Variants in TOX observed in about 807,000 individuals in gnomAD.
The protein encoded by TOX is thymocyte selection-associated high mobility group box protein TOX.
In TOX, 11 loss-of-function variants were observed where a neutral mutation model predicts 53.7. That is an observed-to-expected ratio of 0.20 (90% CI 0.13 to 0.34). The LOEUF is 0.34. Ranked by LOEUF, TOX falls within the 10% of genes least tolerant of loss-of-function variation. The pLI is 1.00. For missense variants in TOX, 570 were observed against 664.6 expected (o/e 0.86, Z 1.56); for synonymous variants, 225 against 245.3 (o/e 0.92, Z 0.77).
At chr8:58,820,164 T>C (rs558596108) in intron 6 of TOX, among the ~76,000 whole-genome samples, 1 of 152,232 alleles carries the variant, frequency 6.6e-6, no homozygotes, top group East Asian at 1.9e-4. Context: ...AAAGAAACTG[T>C]TTTTTTCAAA....
chr8:58,992,840 A>G (rs1187319967), intron 1 of TOX: 1 of 152,202 alleles, frequency 6.6e-6, no homozygotes, highest in Non-Finnish European at 1.5e-5. Flanking sequence ...AGGGGAAGAA[A>G]TGATTTTTCT....
At position 58,962,174 on chromosome 8, in the gene TOX, A is replaced by C. The variant is rs142052572; in HGVS notation, c.103-2166T>G. On this transcript the variant is annotated intron_variant, in intron 1 of 8. Transcript: ENST00000361421. ...TGAAGTTTTGGGTTGAGTCTATCCA[A>C]CATGTACGCTAATTGAGTACATTCA... 3.6e-4 allele frequency among the ~76,000 whole-genome samples: 55 copies of C among 152,352 alleles called. No homozygotes were observed. In the East Asian group the frequency reaches 9.4e-3, roughly 26 times the overall value.
chr8:58,933,943 G>A (rs1485205255), intron 3 of TOX, among the ~76,000 whole-genome samples: 2 of 152,112 alleles, frequency 1.3e-5, no homozygotes, highest in Non-Finnish European at 2.9e-5. Flanking sequence ...TCAGTGACTT[G>A]CCCATGACTG....
intron 1 of TOX, among the ~76,000 whole-genome samples, chr8:59,109,806 G>A (rs1804979672): frequency 6.6e-6 from 1 of 152,074 alleles, no homozygotes; most frequent in Non-Finnish European, 1.5e-5. Context: ...GGTCTATTTT[G>A]TGGGACGTAC....
At chr8:58,826,685 G>A (rs942087623) in intron 6 of TOX, 137 bp downstream of exon 6, 23 of 677,712 alleles carry the variant, frequency 3.4e-5, no homozygotes, top group Admixed American at 1.5e-4. Flanking sequence ...GTATAGCTTT[G>A]TTTGTAATTT....
intron 1 of TOX, among the ~76,000 whole-genome samples, chr8:59,005,761 G>A (rs1813780466): frequency 6.6e-6 from 1 of 152,158 alleles, no homozygotes; most frequent in Non-Finnish European, 1.5e-5. Flanking sequence ...GAAACACAGT[G>A]TCTTTTATTT....
At chr8:59,054,968 GGAAGGGAC>G (rs1274861643) in intron 1 of TOX, among the ~76,000 whole-genome samples, 1 of 144,080 alleles carries the variant, frequency 6.9e-6, no homozygotes, top group South Asian at 2.3e-4. Context: ...GAGGGAGGAA[GGAAGGGAC>G]GGAGGGAGGG....
intron 3 of TOX, among the ~76,000 whole-genome samples, chr8:58,860,509 G>A (rs143917828): frequency 1.2e-4 from 19 of 152,268 alleles, no homozygotes; most frequent in African/African-American, 4.1e-4. Flanking sequence ...TAAGGACTAC[G>A]AATGCATTTT....
intron 5 of TOX, among the ~76,000 whole-genome samples, chr8:58,835,969 C>T (rs1287074663): frequency 6.6e-6 from 1 of 152,168 alleles, no homozygotes; most frequent in Non-Finnish European, 1.5e-5. Context: ...AATCATGTGT[C>T]TTCAGATGAA....
At chr8:59,079,458 C>T (rs1482199950) in intron 1 of TOX, among the ~76,000 whole-genome samples, 2 of 152,168 alleles carry the variant, frequency 1.3e-5, no homozygotes, top group African/African-American at 4.8e-5. Flanking sequence ...CTGCTCTTCA[C>T]ATGCAGGCCA....
At chr8:58,968,383 T>A (rs1014440655) in intron 1 of TOX, among the ~76,000 whole-genome samples, 3 of 152,204 alleles carry the variant, frequency 2.0e-5, no homozygotes, top group Admixed American at 1.3e-4. Context: ...AATTCTGTAA[T>A]GATTAAAGCT....
At chr8:58,823,867 T>C (rs1810321913) in intron 6 of TOX, among the ~76,000 whole-genome samples, 1 of 152,206 alleles carries the variant, frequency 6.6e-6, no homozygotes, top group African/African-American at 2.4e-5. Flanking sequence ...AAAGGATCTA[T>C]TGGCCTAGAA....
intron 3 of TOX, among the ~76,000 whole-genome samples, chr8:58,891,061 G>A (rs1247794524): frequency 1.3e-5 from 2 of 152,066 alleles, no homozygotes; most frequent in East Asian, 3.9e-4. Flanking sequence ...TGAGCAAATT[G>A]ATGGTATCTA....
chr8:58,808,308 G>T, intron 7 of TOX, 39 bp from the exon 8 acceptor site: 1 of 1,575,548 alleles, frequency 6.3e-7, no homozygotes, highest in East Asian at 2.3e-5. Flanking sequence ...GGATCAAAAT[G>T]CATTTTAAGA....
intron 3 of TOX, among the ~76,000 whole-genome samples, chr8:58,898,318 C>T (rs6988646): frequency 0.17 from 10,336 of 60,822 alleles, 465 homozygotes; most frequent in South Asian, 0.27. Flanking sequence ...AATGTTTGAT[C>T]TATTCATATG....
At chr8:58,842,684 C>T (rs1810665244) in intron 4 of TOX, among the ~76,000 whole-genome samples, 1 of 152,142 alleles carries the variant, frequency 6.6e-6, no homozygotes, top group Non-Finnish European at 1.5e-5. Flanking sequence ...CATCCTCTTG[C>T]ATTTGACAAC....
Position 59,117,675 on chromosome 8 carries a change from G to T in TOX, c.102+1211C>A, listed in dbSNP as rs769747788. On this transcript the variant is annotated intron_variant, in intron 1 of 8. Transcript: ENST00000361421. This position sits in a 1 kb window ranked among gnomAD's most constrained non-coding sequence, Gnocchi z 4.6. ...TAAAAAAGCCGTTTGGTGATGACTCGCCACCAGGCAAATGTTGGGAGTCCC... is the reference window on the plus strand; with the variant it reads ...TAAAAAAGCCGTTTGGTGATGACTCTCCACCAGGCAAATGTTGGGAGTCCC... Among the ~76,000 whole-genome samples the T allele has an allele frequency of 6.6e-6, 1 of 152,206 alleles. No individual in the cohort carries two copies. The highest frequency in any genetic ancestry group is 1.5e-5 in the Non-Finnish European group (1 of 68,028).
chr8:58,920,979 C>A (rs1812063618), intron 3 of TOX, among the ~76,000 whole-genome samples: 1 of 152,158 alleles, frequency 6.6e-6, no homozygotes, highest in Admixed American at 6.5e-5. Context: ...GCATCTATGA[C>A]TCATGGATAG....
At chr8:59,032,735 C>T (rs755108072) in intron 1 of TOX, among the ~76,000 whole-genome samples, 1 of 152,192 alleles carries the variant, frequency 6.6e-6, no homozygotes, top group Non-Finnish European at 1.5e-5. Context: ...CACAGTGGCT[C>T]ACGCCTGTAA....
Sources: allele counts gnomAD v4.1 joint callset (sites outside exome capture counted in the v4.1 genomes callset), GRCh38; gene constraint gnomAD v4.1.1; non-coding constraint Gnocchi (gnomAD v3.1); transcripts MANE v1.5; gene names NCBI Gene and HGNC (gene_info 2026-07-23, HGNC 2026-07-21).